RAB21: variants seen among roughly 807,000 people sequenced by gnomAD.
RAB21 encodes the protein RAB21, member RAS oncogene family.
Under a neutral mutation model 33.1 loss-of-function variants are expected in RAB21, and 13 were observed. That is an observed-to-expected ratio of 0.39 (90% CI 0.26 to 0.62). The LOEUF (loss-of-function observed/expected upper bound fraction) is 0.62, where lower values mean the gene tolerates loss of function less well. Ranked by LOEUF, RAB21 falls within the 20% of genes least tolerant of loss-of-function variation. The pLI is 0.48. For synonymous variants in RAB21, 91 were observed against 103.7 expected (o/e 0.88, Z 0.74); for missense variants, 234 against 279.1 (o/e 0.84, Z 1.15).
In RAB21 at chr12:71,795,937, A is replaced by T. The variant is rs1883460364; in HGVS notation, c.*10264A>T. On this transcript the variant is annotated 3_prime_UTR_variant, in exon 7 of 7. Transcript: ENST00000261263. ...CAACTAGAAATTGCATGTGCCAGTT[A>T]CTTAATTTAATACATCTAATGGGAG... The T allele has an allele frequency of 7.2e-6, 1 of 137,948 alleles. No individual in the cohort carries two copies. Among genetic ancestry groups the T allele is most frequent in the Admixed American group, 7.4e-5 (1 of 13,424 alleles). The allele number at this position is 137,948 out of a possible 1,614,324, so 8.5% of individuals were successfully genotyped here.
intron 1 of RAB21, among the ~76,000 whole-genome samples, chr12:71,767,434 T>C (rs1882979353): frequency 6.6e-6 from 1 of 152,176 alleles, no homozygotes; most frequent in Non-Finnish European, 1.5e-5. Context: ...AGCATACTTA[T>C]TAAAAATGAT....
chr12:71,756,670 T>A (rs1421379863), intron 1 of RAB21, among the ~76,000 whole-genome samples: 1 of 152,244 alleles, frequency 6.6e-6, no homozygotes, highest in African/African-American at 2.4e-5. Flanking sequence ...TAATGAATTG[T>A]TATTGTTCAG....
At position 71,793,478 on chromosome 12, in the gene RAB21, T is replaced by C. The variant is rs552981906; in HGVS notation, c.*7805T>C. ...AATATAATAAAGTTAAATCATCTAGTCCTCCTGGCCCTTCTGGTTAGAAAA... is the reference window on the plus strand; with the variant it reads ...AATATAATAAAGTTAAATCATCTAGCCCTCCTGGCCCTTCTGGTTAGAAAA... On this transcript the variant is annotated 3_prime_UTR_variant, in exon 7 of 7. Coordinates refer to ENST00000261263, the MANE Select transcript of RAB21 (RefSeq NM_014999.4). 1 of 152,342 alleles carries C rather than the reference T, an allele frequency of 6.6e-6. No homozygotes were observed. The highest frequency in any genetic ancestry group is 2.1e-4 in the South Asian group (1 of 4,830). 9.4% of individuals were successfully genotyped at this position (152,342 alleles called of 1,614,324 possible).
In RAB21 at chr12:71,774,036, CT is replaced by C; in HGVS notation, c.391+20del. On this transcript the variant is annotated intron_variant, in intron 4 of 6. Coordinates refer to ENST00000261263, the MANE Select transcript of RAB21 (RefSeq NM_014999.4). ...TATGTATAGTTGGTAAGCATCATTACTTTTTTCTAAAAAAAAAGTCCTCTGT... is the reference window on the plus strand; with the variant it reads ...TATGTATAGTTGGTAAGCATCATTACTTTTTCTAAAAAAAAAGTCCTCTGT... The C allele has an allele frequency of 6.6e-7, 1 of 1,525,682 alleles. No individual in the cohort carries two copies. Among genetic ancestry groups the C allele is most frequent in the Non-Finnish European group, 8.8e-7 (1 of 1,131,484 alleles). 94.5% of individuals were successfully genotyped at this position (1,525,682 alleles called of 1,614,324 possible). A position where few individuals can be genotyped will look rare whatever the true frequency, so the allele number is the denominator to read the frequency against.
In RAB21 at chr12:71,782,622, A is replaced by C; in HGVS notation, c.499A>C (p.Lys167Gln). 2 of 1,603,486 alleles carry C rather than the reference A, an allele frequency of 1.2e-6. No homozygotes were observed. Among genetic ancestry groups the C allele is most frequent in the South Asian group, 2.2e-5 (2 of 89,792 alleles). The change falls in exon 6 of 7, where the codon AAA (lysine) becomes CAA (glutamine). Residue 167 changes from lysine to glutamine, a missense_variant. Transcript: ENST00000261263. ...KHYHTSAKQN[K>Q]GIEELFLDLC... ...TTATCATACTTCAGCCAAACAGAACAAAGGAATTGAGGAACTCTTTCTTGA... is the reference window on the plus strand; with the variant it reads ...TTATCATACTTCAGCCAAACAGAACCAAGGAATTGAGGAACTCTTTCTTGA...
At chr12:71,783,534 T>G (rs193110563) in intron 6 of RAB21, among the ~76,000 whole-genome samples, 1 of 152,130 alleles carries the variant, frequency 6.6e-6, no homozygotes, top group African/African-American at 2.4e-5. Context: ...TTCTAAAATA[T>G]TGATTATGTA....
rs557068357 is a variant in RAB21 at position 71,775,814 on chromosome 12, C to T, written c.391+1792C>T. 4.6e-5 allele frequency among the ~76,000 whole-genome samples: 7 copies of T among 151,954 alleles called. No individual in the cohort carries two copies. The South Asian group carries it at 1.5e-3, about 32-fold the overall frequency. ...CCTCCCAAAGGGCTAGGATTACAGG[C>T]GTGAGCCACTGCACCCGGCCAAGAA... On this transcript the variant is annotated intron_variant, in intron 4 of 6. Transcript: ENST00000261263.
At chr12:71,764,342 T>C (rs1882926971) in intron 1 of RAB21, among the ~76,000 whole-genome samples, 1 of 152,198 alleles carries the variant, frequency 6.6e-6, no homozygotes, top group East Asian at 1.9e-4. Flanking sequence ...CCAGAGTAAT[T>C]ATTATAACTA....
chr12:71,773,796 A>G (rs1883078094), intron 3 of RAB21, among the ~76,000 whole-genome samples, 163 bp from the exon 4 acceptor site: 1 of 152,198 alleles, frequency 6.6e-6, no homozygotes, highest in South Asian at 2.1e-4. Flanking sequence ...TTGCAATATA[A>G]CCTGGCAATA....
At position 71,791,734 on chromosome 12, in the gene RAB21, CTTTA is replaced by C. The variant is rs1303609533; in HGVS notation, c.*6064_*6067del. Reference sequence around the variant, plus strand: ...CCATTGTTAACAGTTTGGTTTGTGTCTTTATTATGCAGTTTTATATTTATATTTG... The same window carrying C: ...CCATTGTTAACAGTTTGGTTTGTGTCTTATGCAGTTTTATATTTATATTTG... On this transcript the variant is annotated 3_prime_UTR_variant, in exon 7 of 7. Transcript: ENST00000261263. 6.6e-6 allele frequency: 1 copy of C among 152,074 alleles called. No homozygotes were observed. The highest frequency in any genetic ancestry group is 6.5e-5 in the Admixed American group (1 of 15,272). 9.4% of individuals were successfully genotyped at this position (152,074 alleles called of 1,614,324 possible).
chr12:71,783,820 G>A (rs1883239141), intron 6 of RAB21, among the ~76,000 whole-genome samples: 1 of 152,126 alleles, frequency 6.6e-6, no homozygotes, highest in East Asian at 1.9e-4. Context: ...TGGTGGTGAT[G>A]CTAGTCATCA....
chr12:71,770,839 A>G, intron 3 of RAB21, 140 bp downstream of exon 3: 1 of 579,464 alleles, frequency 1.7e-6, no homozygotes, highest in Non-Finnish European at 3.0e-6. Context: ...GTGACCACTT[A>G]CATTTTATTT....
chr12:71,799,595 A>G lies in RAB21; in HGVS notation c.*13922A>G, dbSNP rs1592656623. The G allele has an allele frequency of 2.6e-5, 4 of 152,270 alleles. No homozygotes were observed. In the East Asian group the frequency reaches 7.7e-4, roughly 29 times the overall value. 9.4% of individuals were successfully genotyped at this position (152,270 alleles called of 1,614,324 possible). A position where few individuals can be genotyped will look rare whatever the true frequency, so the allele number is the denominator to read the frequency against. The stretch of plus-strand genomic sequence containing the variant: ...TAGGGGAATAGTAAAATCAATTACT[A>G]TGCATGCATATAATAAAATTTTAGG... On this transcript the variant is annotated 3_prime_UTR_variant, in exon 7 of 7. Transcript: ENST00000261263.
rs1883407243 is a variant in RAB21 at position 71,792,833 on chromosome 12, T to C, written c.*7160T>C. ...CATAGTCCAAGATATAAGTAATTTATCTGGGGATATAAGGTCACCTGTGCA... is the reference window on the plus strand; with the variant it reads ...CATAGTCCAAGATATAAGTAATTTACCTGGGGATATAAGGTCACCTGTGCA... On this transcript the variant is annotated 3_prime_UTR_variant, in exon 7 of 7. Coordinates refer to ENST00000261263, the MANE Select transcript of RAB21 (RefSeq NM_014999.4). The C allele has an allele frequency of 1.3e-5, 2 of 152,180 alleles. No homozygotes were observed. The highest frequency in any genetic ancestry group is 2.1e-4 in the South Asian group (1 of 4,830). 9.4% of individuals were successfully genotyped at this position (152,180 alleles called of 1,614,324 possible). A position where few individuals can be genotyped will look rare whatever the true frequency, so the allele number is the denominator to read the frequency against.
In RAB21 at chr12:71,791,861, T is replaced by A. The variant is rs1204050048; in HGVS notation, c.*6188T>A. 2 of 152,164 alleles carry A rather than the reference T, an allele frequency of 1.3e-5. No individual in the cohort carries two copies. The highest frequency in any genetic ancestry group is 4.1e-4 in the South Asian group (2 of 4,834). The allele number at this position is 152,164 out of a possible 1,614,324, so 9.4% of individuals were successfully genotyped here. On this transcript the variant is annotated 3_prime_UTR_variant, in exon 7 of 7. Transcript: ENST00000261263. The stretch of plus-strand genomic sequence containing the variant: ...TACCAAGGCCAACTAGAATCATACT[T>A]CTTTTTCTGGAAGTTTTTTTTGAGA...
At chr12:71,762,102 T>C (rs1427957102) in intron 1 of RAB21, among the ~76,000 whole-genome samples, 22 of 152,206 alleles carry the variant, frequency 1.4e-4, no homozygotes, top group Admixed American at 1.4e-3. Flanking sequence ...GAAATGAGTT[T>C]TTGTGAATGT....
At position 71,783,814 on chromosome 12, in the gene RAB21, G is replaced by A. The variant is rs188349898; in HGVS notation, c.535+1156G>A. Among the ~76,000 whole-genome samples the A allele has an allele frequency of 4.9e-3, 744 of 152,164 alleles. 8 individuals carry two copies. Among genetic ancestry groups the A allele is most frequent in the African/African-American group, 0.017 (709 of 41,550 alleles). ...TCATTTCTACAAGCACCCAAGTGGT[G>A]GTGATGCTAGTCATCAGGATATCCT... On this transcript the variant is annotated intron_variant, in intron 6 of 6. Transcript: ENST00000261263.
intron 6 of RAB21, among the ~76,000 whole-genome samples, chr12:71,785,053 A>G (rs759287911): frequency 2.4e-4 from 36 of 152,182 alleles, no homozygotes; most frequent in Middle Eastern, 3.2e-3. Context: ...TGATGATCAC[A>G]CCACTGCACA....
intron 1 of RAB21, among the ~76,000 whole-genome samples, chr12:71,765,887 A>T (rs181944771): frequency 5.5e-4 from 83 of 152,148 alleles, no homozygotes; most frequent in African/African-American, 1.9e-3. Context: ...TTTATTTTTT[A>T]AAAAAGTTTT....
Sources: gnomAD v4.1 joint callset for allele counts (sites outside exome capture counted in the v4.1 genomes callset) on GRCh38, gnomAD v4.1.1 for gene constraint, MANE v1.5 for transcripts, NCBI Gene and HGNC (gene_info 2026-07-23, HGNC 2026-07-21) for gene names.